Variants in DENND1A observed in about 807,000 individuals in gnomAD.
DENND1A encodes DENN domain-containing protein 1A.
In DENND1A, 51 loss-of-function variants were observed where a neutral mutation model predicts 113.7. The ratio of observed to expected loss-of-function variants is 0.45; its 90% CI spans 0.36 to 0.57. The LOEUF (loss-of-function observed/expected upper bound fraction) is 0.57, where lower values mean the gene tolerates loss of function less well. Among genes scored for constraint, DENND1A ranks in the 20% least tolerant of loss-of-function variants. The pLI is 0.00. For missense variants in DENND1A, 1,258 were observed against 1,395.9 expected (o/e 0.90, Z 1.57); for synonymous variants, 565 against 570.8 (o/e 0.99, Z 0.14).
intron 11 of DENND1A, among the ~76,000 whole-genome samples, chr9:123,584,020 A>G (rs2059045400): frequency 6.6e-6 from 1 of 152,226 alleles, no homozygotes; most frequent in Non-Finnish European, 1.5e-5. Flanking sequence ...AGTCCAAGAC[A>G]GGGTGTAGCC....
At position 123,590,165 on chromosome 9, in the gene DENND1A, G is replaced by A. The variant is rs577820030; in HGVS notation, c.766-6895C>T. ...GCCTGGCTAGAGAGACTGAGGCAGC[G>A]GCAAGCCTCCCATGACCTGTGCTCC... On this transcript the variant is annotated intron_variant, in intron 11 of 23. Transcript: ENST00000394215. 9.2e-5 allele frequency among the ~76,000 whole-genome samples: 14 copies of A among 152,260 alleles called. No individual in the cohort carries two copies. The South Asian group carries it at 1.7e-3, about 18-fold the overall frequency.
intron 13 of DENND1A, among the ~76,000 whole-genome samples, chr9:123,467,084 C>T (rs1374689938): frequency 2.6e-5 from 4 of 152,072 alleles, no homozygotes; most frequent in Non-Finnish European, 5.9e-5. Flanking sequence ...CAAAACAAAA[C>T]AAAACAAAAC....
chr9:123,887,259 T>C (rs534205480), intron 1 of DENND1A, among the ~76,000 whole-genome samples: 2 of 152,164 alleles, frequency 1.3e-5, no homozygotes, highest in South Asian at 2.1e-4. Flanking sequence ...CAGAGTGAGG[T>C]AGACGTTCAT....
chr9:123,776,071 C>T (rs746424091), intron 3 of DENND1A, among the ~76,000 whole-genome samples: 24 of 152,148 alleles, frequency 1.6e-4, no homozygotes, highest in Non-Finnish European at 7.3e-5. Flanking sequence ...GCACCTCTAC[C>T]CACAACTTCC....
At chr9:123,808,384 C>CTT (rs777273959) in intron 2 of DENND1A, among the ~76,000 whole-genome samples, 3 of 136,742 alleles carry the variant, frequency 2.2e-5, no homozygotes, top group African/African-American at 8.0e-5. Context: ...CAATAATTTG[C>CTT]TTTTTTTTTT....
chr9:123,831,904 A>C (rs1315585923), intron 2 of DENND1A, among the ~76,000 whole-genome samples: 2 of 151,770 alleles, frequency 1.3e-5, no homozygotes, highest in African/African-American at 4.8e-5. Context: ...AATCTCTTGA[A>C]CCCTGGAGGC....
intron 2 of DENND1A, among the ~76,000 whole-genome samples, chr9:123,830,612 C>T (rs1461628574): frequency 6.6e-6 from 1 of 151,952 alleles, no homozygotes; most frequent in African/African-American, 2.4e-5. Context: ...CAAGTGTAAT[C>T]CCAGCACTTT....
intron 19 of DENND1A, among the ~76,000 whole-genome samples, chr9:123,434,178 C>T (rs971851587): frequency 3.9e-5 from 6 of 152,190 alleles, no homozygotes; most frequent in Non-Finnish European, 8.8e-5. Flanking sequence ...AGGCGCATGC[C>T]ATCATGCCTG....
At chr9:123,621,787 T>C (rs1428417730) in intron 10 of DENND1A, among the ~76,000 whole-genome samples, 1 of 152,242 alleles carries the variant, frequency 6.6e-6, no homozygotes, top group Non-Finnish European at 1.5e-5. Flanking sequence ...CTATTTCCTA[T>C]GCAAAATTTC....
rs1012763588 is a variant in DENND1A, at chr9:123,380,547, G to C, written c.*885C>G. The stretch of plus-strand genomic sequence containing the variant: ...CTGAGGCATTCAGCTTGACCTTTTT[G>C]GGTTGAAATCTGGGTTGCAGCTTCT... On this transcript the variant is annotated 3_prime_UTR_variant, in exon 24 of 24. Transcript: ENST00000394215. 1 of 152,368 alleles carries C rather than the reference G, an allele frequency of 6.6e-6. No individual in the cohort carries two copies. The highest frequency in any genetic ancestry group is 1.5e-5 in the Non-Finnish European group (1 of 68,042). 9.4% of individuals were successfully genotyped at this position (152,368 alleles called of 1,614,324 possible). A position where few individuals can be genotyped will look rare whatever the true frequency, so the allele number is the denominator to read the frequency against.
chr9:123,691,602 T>C (rs979103966), intron 5 of DENND1A, among the ~76,000 whole-genome samples: 3 of 150,628 alleles, frequency 2.0e-5, no homozygotes, highest in African/African-American at 7.3e-5. Context: ...ATAGTAGAGA[T>C]GAAACTAGAG....
At chr9:123,744,964 C>A (rs1386497298) in intron 5 of DENND1A, among the ~76,000 whole-genome samples, 3 of 151,958 alleles carry the variant, frequency 2.0e-5, no homozygotes, top group African/African-American at 7.3e-5. Flanking sequence ...TTAGGAGAGA[C>A]AGGGTTTCAC....
intron 13 of DENND1A, among the ~76,000 whole-genome samples, chr9:123,506,562 C>T (rs74581658): frequency 0.11 from 12,302 of 109,692 alleles, 578 homozygotes; most frequent in Middle Eastern, 0.21. Context: ...AGCCTGGTGA[C>T]AGAGTGAGAC....
rs1857771001 is a variant in DENND1A at position 123,930,060 on chromosome 9, CG to C, written c.-156del. 4.7e-6 allele frequency: 1 copy of C among 210,678 alleles called. No individual in the cohort carries two copies. Among genetic ancestry groups the C allele is most frequent in the East Asian group, 9.6e-5 (1 of 10,376 alleles). 13.1% of individuals were successfully genotyped at this position (210,678 alleles called of 1,614,324 possible). ...CGCTCGAGGCTCGCTCCCTCGCCGC[CG>C]CCGCCGCCTCCAGGGGTTAATGTAC... On this transcript the variant is annotated 5_prime_UTR_variant, in exon 1 of 24. Transcript: ENST00000394215.
intron 5 of DENND1A, among the ~76,000 whole-genome samples, chr9:123,731,834 A>G (rs2068196796): frequency 6.6e-6 from 1 of 152,248 alleles, no homozygotes; most frequent in Admixed American, 6.5e-5. Context: ...ATATCTGAAA[A>G]AAGATTTATG....
intron 13 of DENND1A, among the ~76,000 whole-genome samples, chr9:123,502,614 T>G (rs544524521): frequency 6.6e-6 from 1 of 152,364 alleles, no homozygotes. Context: ...TAAAAACATT[T>G]TCACCCATTC....
chr9:123,402,203 G>A (rs1311007577), intron 21 of DENND1A, among the ~76,000 whole-genome samples: 1 of 152,038 alleles, frequency 6.6e-6, no homozygotes. Flanking sequence ...TCTTCCAAAT[G>A]TCTAATAACT....
chr9:123,452,768 C>T lies in DENND1A; in HGVS notation c.1228-421G>A, dbSNP rs55874362. ...GTGGACTCCATAGCTGACACCAAGCCGGGGCAGAAAGTGGGGCCCTGATCA... is the reference window on the plus strand; with the variant it reads ...GTGGACTCCATAGCTGACACCAAGCTGGGGCAGAAAGTGGGGCCCTGATCA... On this transcript the variant is annotated intron_variant, in intron 16 of 23. Coordinates refer to ENST00000394215, the MANE Select transcript of DENND1A (RefSeq NM_001352964.2). Among the ~76,000 whole-genome samples the T allele has an allele frequency of 4.9e-3, 749 of 152,192 alleles. 4 individuals carry two copies. Among genetic ancestry groups the T allele is most frequent in the Non-Finnish European group, 7.8e-3 (528 of 68,006 alleles).
intron 2 of DENND1A, among the ~76,000 whole-genome samples, chr9:123,839,253 T>C (rs1841481290): frequency 6.6e-6 from 1 of 152,190 alleles, no homozygotes; most frequent in Admixed American, 6.5e-5. Context: ...GGTGCATGAC[T>C]TTCCGGTTCC....
Sources: gnomAD v4.1 joint callset for allele counts (sites outside exome capture counted in the v4.1 genomes callset) on GRCh38, gnomAD v4.1.1 for gene constraint, MANE v1.5 for transcripts, NCBI Gene and HGNC (gene_info 2026-07-23, HGNC 2026-07-21) for gene names.